The following CNTN5 variants were observed in gnomAD, a reference collection of about 807,000 sequenced individuals.
CNTN5 encodes contactin 5, also known as contactin-5.
A neutral mutation model predicts 129.1 loss-of-function variants in CNTN5; 77 were observed. The observed-to-expected ratio is 0.60, with a 90% CI of 0.50 to 0.72. The LOEUF (loss-of-function observed/expected upper bound fraction) is 0.72. CNTN5 is among the 30% of genes least tolerant of loss of function. CNTN5 has a pLI of 0.00. For synonymous variants in CNTN5, 509 were observed against 465.6 expected (o/e 1.09, Z -1.20); for missense variants, 1,478 against 1,328.8 (o/e 1.11, Z -1.75).
chr11:100,337,582 C>CT, intron 21 of CNTN5: 1 of 741,142 alleles, frequency 1.3e-6, no homozygotes, highest in Non-Finnish European at 2.5e-6. Flanking sequence ...CACGTCTATT[C>CT]TACTGTGGAG....
intron 2 of CNTN5, among the ~76,000 whole-genome samples, chr11:99,433,712 T>C (rs1465961165): frequency 6.6e-6 from 1 of 152,120 alleles, no homozygotes; most frequent in East Asian, 1.9e-4. Context: ...CTTGTACAAT[T>C]CTTAAGATCA....
chr11:99,411,857 G>C (rs1208437653), intron 2 of CNTN5, among the ~76,000 whole-genome samples: 1 of 152,152 alleles, frequency 6.6e-6, no homozygotes, highest in Admixed American at 6.5e-5. Flanking sequence ...TGGTTGATTG[G>C]TAAAACAACC....
In CNTN5 at chr11:100,348,978, A is replaced by G. The variant is rs901961026; in HGVS notation, c.3031-1724A>G. On this transcript the variant is annotated intron_variant, in intron 23 of 24. Coordinates refer to ENST00000524871, the MANE Select transcript of CNTN5 (RefSeq NM_014361.4). Reference sequence around the variant, plus strand: ...GTATGTAGTACTATGCCTGGCCTGCATGAGATGTCCAATAAATGTTTGATA... The same window carrying G: ...GTATGTAGTACTATGCCTGGCCTGCGTGAGATGTCCAATAAATGTTTGATA... 3.9e-5 allele frequency among the ~76,000 whole-genome samples: 6 copies of G among 152,112 alleles called. No individual in the cohort carries two copies. In the South Asian group the frequency reaches 1.2e-3, roughly 32 times the overall value.
intron 1 of CNTN5, among the ~76,000 whole-genome samples, chr11:99,131,853 C>T (rs1426376877): frequency 6.6e-6 from 1 of 152,148 alleles, no homozygotes; most frequent in Non-Finnish European, 1.5e-5. Context: ...TCTTCTGAAA[C>T]TATTTCAAAC....
intron 13 of CNTN5, among the ~76,000 whole-genome samples, chr11:100,081,877 C>T (rs1944379271): frequency 6.6e-6 from 1 of 152,122 alleles, no homozygotes; most frequent in African/African-American, 2.4e-5. Context: ...GTGTACCTAA[C>T]TGACCTTGAG....
chr11:99,276,531 T>A (rs1863441431), intron 1 of CNTN5, among the ~76,000 whole-genome samples: 1 of 151,520 alleles, frequency 6.6e-6, no homozygotes, highest in South Asian at 2.1e-4. Context: ...ACTTTTCTCA[T>A]CTATAAAGTG....
chr11:99,647,218 A>G lies in CNTN5; in HGVS notation c.55+90949A>G, dbSNP rs1187917791. 3.3e-5 allele frequency among the ~76,000 whole-genome samples: 5 copies of G among 152,160 alleles called. 1 individual carries two copies. Among genetic ancestry groups the G allele is most frequent in the Middle Eastern group, 6.8e-3 (2 of 294 alleles). ...GAGCTTCAGTCTATTTAGTGCTTCAATACATTTGGTAAAGGGTGTAGTTTC... is the reference window on the plus strand; with the variant it reads ...GAGCTTCAGTCTATTTAGTGCTTCAGTACATTTGGTAAAGGGTGTAGTTTC... On this transcript the variant is annotated intron_variant, in intron 3 of 24. Transcript: ENST00000524871.
chr11:100,032,786 G>A (rs1037929080), intron 9 of CNTN5, among the ~76,000 whole-genome samples: 1 of 151,294 alleles, frequency 6.6e-6, no homozygotes, highest in Admixed American at 6.6e-5. Context: ...CATAGTCTTT[G>A]AGTATAAAAA....
chr11:99,628,560 A>G (rs1248559112), intron 3 of CNTN5, among the ~76,000 whole-genome samples: 2 of 151,646 alleles, frequency 1.3e-5, no homozygotes. Context: ...AATCTGAATT[A>G]TGTCTATCTA....
At chr11:100,211,827 T>C (rs1170860734) in intron 15 of CNTN5, among the ~76,000 whole-genome samples, 1 of 152,180 alleles carries the variant, frequency 6.6e-6, no homozygotes, top group Non-Finnish European at 1.5e-5. Flanking sequence ...CATTTGAACA[T>C]ATTAAAACTT....
intron 13 of CNTN5, among the ~76,000 whole-genome samples, chr11:100,098,653 C>T (rs1945103365): frequency 6.6e-6 from 1 of 152,078 alleles, no homozygotes; most frequent in African/African-American, 2.4e-5. Flanking sequence ...TAACAAACCA[C>T]CCTAAAGCTG....
intron 3 of CNTN5, among the ~76,000 whole-genome samples, chr11:99,667,106 A>G (rs1952824624): frequency 6.6e-6 from 1 of 152,002 alleles, no homozygotes; most frequent in Non-Finnish European, 1.5e-5. Flanking sequence ...ATTCTCTAGA[A>G]ATTATGTTGT....
At chr11:99,724,720 G>C (rs973724189) in intron 3 of CNTN5, among the ~76,000 whole-genome samples, 2 of 151,998 alleles carry the variant, frequency 1.3e-5, no homozygotes, top group African/African-American at 4.8e-5. Context: ...CATAAATATT[G>C]GTTGAATTCA....
intron 16 of CNTN5, among the ~76,000 whole-genome samples, chr11:100,236,731 G>A (rs554227166): frequency 6.6e-6 from 1 of 152,116 alleles, no homozygotes; most frequent in African/African-American, 2.4e-5. Flanking sequence ...ATTCTCCCCC[G>A]AAGCTATGCA....
chr11:99,530,061 G>C (rs533721310), intron 2 of CNTN5, among the ~76,000 whole-genome samples: 31 of 152,160 alleles, frequency 2.0e-4, no homozygotes, highest in African/African-American at 7.5e-4. Flanking sequence ...GTACTTGTTA[G>C]TCTTTACAAC....
At chr11:99,450,775 T>A (rs1279017959) in intron 2 of CNTN5, among the ~76,000 whole-genome samples, 1 of 150,108 alleles carries the variant, frequency 6.7e-6, no homozygotes, top group Non-Finnish European at 1.5e-5. Context: ...CAAGTTTTTT[T>A]TTTTTTTTTT....
At chr11:99,569,310 T>C (rs1389255536) in intron 3 of CNTN5, among the ~76,000 whole-genome samples, 3 of 151,798 alleles carry the variant, frequency 2.0e-5, no homozygotes, top group Non-Finnish European at 4.4e-5. Context: ...TTATTATTTA[T>C]TTATTTATTT....
chr11:99,757,661 A>G (rs911416378), intron 3 of CNTN5, among the ~76,000 whole-genome samples: 2 of 152,066 alleles, frequency 1.3e-5, no homozygotes, highest in Non-Finnish European at 2.9e-5. Flanking sequence ...CAGGAAGAAC[A>G]TGAATTTTGG....
chr11:99,280,965 TA>T (rs143154412), intron 1 of CNTN5, among the ~76,000 whole-genome samples: 13,706 of 151,406 alleles, frequency 0.091, 701 homozygotes, highest in South Asian at 0.13. Context: ...ACTTGCAGAT[TA>T]AAAAAAATCA....
Sources: allele counts gnomAD v4.1 joint callset (sites outside exome capture counted in the v4.1 genomes callset), GRCh38; gene constraint gnomAD v4.1.1; transcripts MANE v1.5; gene names NCBI Gene and HGNC (gene_info 2026-07-23, HGNC 2026-07-21).